Variants in STAB2 observed in about 807,000 individuals in gnomAD.
STAB2 encodes the protein stabilin 2.
Under a neutral mutation model 338.1 loss-of-function variants are expected in STAB2, and 288 were observed. That is an observed-to-expected ratio of 0.85 (90% CI 0.77 to 0.94). The LOEUF (loss-of-function observed/expected upper bound fraction) is 0.94. STAB2 is among the 40% of genes least tolerant of loss of function. STAB2 has a pLI of 0.00. For synonymous variants in STAB2, 1,202 were observed against 1,193.3 expected (o/e 1.01, Z -0.15); for missense variants, 3,141 against 3,210.1 (o/e 0.98, Z 0.52).
At chr12:103,684,423 T>G (rs1216806359) in intron 26 of STAB2, among the ~76,000 whole-genome samples, 1 of 152,146 alleles carries the variant, frequency 6.6e-6, no homozygotes, top group Non-Finnish European at 1.5e-5. Context: ...AGGAGGGAGA[T>G]GCCCCCAAGG....
chr12:103,679,260 C>T (rs962511837), intron 25 of STAB2, among the ~76,000 whole-genome samples: 11 of 151,878 alleles, frequency 7.2e-5, no homozygotes, highest in Non-Finnish European at 1.2e-4. Flanking sequence ...CCCAGCTACT[C>T]GGGAGGCTGA....
At chr12:103,742,363 C>T in intron 55 of STAB2, 42 bp from the exon 56 acceptor site, 1 of 1,607,064 alleles carries the variant, frequency 6.2e-7, no homozygotes, top group Non-Finnish European at 8.5e-7. Flanking sequence ...GCTGCTCTGG[C>T]TTTGGGAGAC....
intron 68 of STAB2, among the ~76,000 whole-genome samples, chr12:103,765,849 G>A (rs549938414): frequency 2.0e-5 from 3 of 152,256 alleles, no homozygotes; most frequent in Admixed American, 6.5e-5. Context: ...GCTGAGCGGG[G>A]TTTCTATTAC....
At chr12:103,642,468 A>G (rs1021187159) in intron 9 of STAB2, among the ~76,000 whole-genome samples, 13 of 151,692 alleles carry the variant, frequency 8.6e-5, no homozygotes, top group African/African-American at 3.2e-4. Flanking sequence ...CAGTGTTTAT[A>G]TAAGATCTGT....
intron 55 of STAB2, among the ~76,000 whole-genome samples, chr12:103,741,699 T>C (rs1017690314): frequency 1.6e-4 from 25 of 152,230 alleles, no homozygotes; most frequent in Admixed American, 1.6e-3. Context: ...AAGCAGTCCA[T>C]CCATCTTGGC....
intron 8 of STAB2, among the ~76,000 whole-genome samples, chr12:103,638,414 C>T (rs139309327): frequency 2.6e-5 from 4 of 151,738 alleles, no homozygotes; most frequent in Non-Finnish European, 5.9e-5. Flanking sequence ...CACACTTTCC[C>T]AGCTCCCCAT....
At chr12:103,714,668 T>C (rs1054111730) in intron 42 of STAB2, among the ~76,000 whole-genome samples, 13 of 149,036 alleles carry the variant, frequency 8.7e-5, no homozygotes, top group Admixed American at 8.1e-4. Context: ...GCCTGGGCGA[T>C]GGAGTGAGAC....
In STAB2 at chr12:103,706,922, A is replaced by C. The variant is rs1879415439; in HGVS notation, c.4127A>C (p.Glu1376Ala). Residue 1376 changes from glutamate (E) to alanine (A), a missense_variant, in exon 38 of 69, where the codon GAG becomes GCG. Coordinates refer to ENST00000388887, the MANE Select transcript of STAB2 (RefSeq NM_017564.10). ...GGCACAGGTGTGTGTGAGTGTGGGG[A>C]GGGCTTCAGCGGCACAGCCTGCGAG... ...VNGTGVCECG[E>A]GFSGTACETC... is the part of the protein sequence containing the mutation. 1.2e-6 allele frequency: 2 copies of C among 1,614,008 alleles called. No homozygotes were observed. Among genetic ancestry groups the C allele is most frequent in the African/African-American group, 2.7e-5 (2 of 74,884 alleles).
At chr12:103,627,656 TC>T (rs1464029923) in intron 5 of STAB2, among the ~76,000 whole-genome samples, 2 of 152,176 alleles carry the variant, frequency 1.3e-5, no homozygotes, top group African/African-American at 4.8e-5. Context: ...TGCCAGGCAG[TC>T]AATCCAGTAT....
At position 103,759,222 on chromosome 12, in the gene STAB2, G is replaced by C; in HGVS notation, c.7197G>C (p.Thr2399=). 1 of 1,614,096 alleles carries C rather than the reference G, an allele frequency of 6.2e-7. No individual in the cohort carries two copies. The highest frequency in any genetic ancestry group is 8.5e-7 in the Non-Finnish European group (1 of 1,180,016). ...NDLVNGTTLQ[T]RLGSKLLITA... ...TTGTCAATGGCACCACCCTGCAAAC[G>C]AGGCTGGGAAGCAAGCTGCTCATCA... Residue 2399 remains threonine (T), a synonymous_variant, in exon 65 of 69, where the codon ACG becomes ACC. Transcript: ENST00000388887.
rs746559550 is a variant in STAB2, at chr12:103,746,954, T to TTC, written c.6244+251_6244+252insCT. On this transcript the variant is annotated intron_variant, in intron 58 of 68. Coordinates refer to ENST00000388887, the MANE Select transcript of STAB2 (RefSeq NM_017564.10). ...ACTTTAGAATGTTTTTCTTTCTTTT[T>TTC]TTTTTTTTTTTTTTTTTCCGAGATG... Among the ~76,000 whole-genome samples, 72 of 126,312 alleles carry TTC rather than the reference T, an allele frequency of 5.7e-4. 2 individuals carry two copies. In the South Asian group the frequency reaches 6.9e-3, roughly 12 times the overall value. 82.9% of individuals were successfully genotyped at this position (126,312 alleles called of 152,430 possible).
chr12:103,631,477 G>A, intron 5 of STAB2, 121 bp from the exon 6 acceptor site: 1 of 879,936 alleles, frequency 1.1e-6, no homozygotes, highest in Admixed American at 2.3e-5. Context: ...AAAAGAGAGA[G>A]GAGCCAAAGT....
intron 29 of STAB2, 85 bp from the exon 30 acceptor site, chr12:103,690,339 C>A (rs1877817262): frequency 8.3e-7 from 1 of 1,205,562 alleles, no homozygotes; most frequent in Non-Finnish European, 1.2e-6. Context: ...GGCAATCTGG[C>A]TCCAGAGCCT....
At chr12:103,635,371 G>A (rs1009274284) in intron 6 of STAB2, among the ~76,000 whole-genome samples, 2 of 152,168 alleles carry the variant, frequency 1.3e-5, no homozygotes, top group Non-Finnish European at 1.5e-5. Context: ...GGAGGAAGCC[G>A]GGGCTCTCTC....
chr12:103,624,255 G>C (rs1451623910), intron 5 of STAB2, among the ~76,000 whole-genome samples: 1 of 152,228 alleles, frequency 6.6e-6, no homozygotes, highest in Non-Finnish European at 1.5e-5. Context: ...CGTGCTGCCT[G>C]CCTGGTAGAC....
intron 63 of STAB2, 168 bp from the exon 64 acceptor site, chr12:103,758,002 C>T: frequency 1.0e-6 from 1 of 987,068 alleles, no homozygotes; most frequent in Non-Finnish European, 1.5e-6. Flanking sequence ...AGGAAAAGTC[C>T]TCAAACTCTC....
chr12:103,666,413 C>T, intron 19 of STAB2, 60 bp downstream of exon 19: 2 of 1,538,582 alleles, frequency 1.3e-6, no homozygotes, highest in Non-Finnish European at 1.8e-6. Flanking sequence ...GGTGTGGTTT[C>T]TCAACCTATC....
chr12:103,757,515 A>G lies in STAB2; in HGVS notation c.6988-655A>G, dbSNP rs552401920. On this transcript the variant is annotated intron_variant, in intron 63 of 68. Coordinates refer to ENST00000388887, the MANE Select transcript of STAB2 (RefSeq NM_017564.10). ...AAGATGATAGATCCAGATCCTATGG[A>G]AAAAGTGGAGCAGGGCTTGGGGGGC... Among the ~76,000 whole-genome samples the G allele has an allele frequency of 3.2e-4, 48 of 152,380 alleles. No individual in the cohort carries two copies. In the South Asian group the frequency reaches 6.6e-3, roughly 21 times the overall value.
intron 9 of STAB2, among the ~76,000 whole-genome samples, chr12:103,646,608 G>A (rs934254238): frequency 2.0e-5 from 3 of 152,164 alleles, no homozygotes; most frequent in African/African-American, 7.2e-5. Context: ...TAATTATTTT[G>A]TTTTCAGGTC....
Sources: gnomAD v4.1 joint callset for allele counts (sites outside exome capture counted in the v4.1 genomes callset) on GRCh38, gnomAD v4.1.1 for gene constraint, MANE v1.5 for transcripts, NCBI Gene and HGNC (gene_info 2026-07-23, HGNC 2026-07-21) for gene names.